The following LTBP2 variants were observed in gnomAD, a reference collection of about 807,000 sequenced individuals.
LTBP2 encodes latent transforming growth factor beta binding protein 2.
Under a neutral mutation model 210.6 loss-of-function variants are expected in LTBP2, and 103 were observed. That is an observed-to-expected ratio of 0.49 (90% CI 0.42 to 0.58). The LOEUF is 0.58. Ranked by LOEUF, LTBP2 falls within the 20% of genes least tolerant of loss-of-function variation. The pLI, the probability that LTBP2 is intolerant of heterozygous loss-of-function variation, is 0.00. For synonymous variants in LTBP2, 1,007 were observed against 1,015.0 expected, an observed-to-expected ratio of 0.99 and a Z score of 0.15; for missense variants, 2,313 against 2,494.5, an observed-to-expected ratio of 0.93 and a Z score of 1.55.
intron 8 of LTBP2, among the ~76,000 whole-genome samples, chr14:74,547,912 C>A (rs2087598081): frequency 6.6e-6 from 1 of 152,182 alleles, no homozygotes; most frequent in South Asian, 2.1e-4. Context: ...TACAGGAGAG[C>A]CAGGGCTGAG....
At position 74,524,499 on chromosome 14, in the gene LTBP2, C is replaced by A. The variant is rs1219115106; in HGVS notation, c.2530+625G>T. On this transcript the variant is annotated intron_variant, in intron 15 of 35. Coordinates refer to ENST00000261978, the MANE Select transcript of LTBP2 (RefSeq NM_000428.3). The stretch of plus-strand genomic sequence containing the variant: ...AGCGGGCACACACGTGTACAGGGAG[C>A]AGCGGCAACAACACCCGCCTTGCTT... 2.6e-5 allele frequency among the ~76,000 whole-genome samples: 4 copies of A among 152,220 alleles called. No homozygotes were observed. The East Asian group carries it at 7.7e-4, about 29-fold the overall frequency.
Position 74,517,712 on chromosome 14 carries a change from A to AC in LTBP2, c.2789-772dup, listed in dbSNP as rs1002446682. Among the ~76,000 whole-genome samples the AC allele has an allele frequency of 5.9e-4, 90 of 152,172 alleles. 1 individual carries two copies. Among genetic ancestry groups the AC allele is most frequent in the Non-Finnish European group, 1.2e-3 (81 of 68,022 alleles). On this transcript the variant is annotated intron_variant, in intron 17 of 35. Transcript: ENST00000261978. ...CTAAGGACCTTCATAAAGGTTAGGA[A>AC]CCAAGCAGCCAGTGAGGGATTGCGT...
intron 2 of LTBP2, among the ~76,000 whole-genome samples, chr14:74,591,715 CAA>C (rs1293803092): frequency 6.6e-6 from 1 of 152,166 alleles, no homozygotes; most frequent in African/African-American, 2.4e-5. Flanking sequence ...TCCATTCCCC[CAA>C]AAGTCACCCC....
At chr14:74,520,715 G>T (rs2087191220) in intron 17 of LTBP2, among the ~76,000 whole-genome samples, 2 of 152,188 alleles carry the variant, frequency 1.3e-5, no homozygotes, top group African/African-American at 4.8e-5. Context: ...GCAGGAGAAT[G>T]GCGTGAACCC....
intron 8 of LTBP2, among the ~76,000 whole-genome samples, chr14:74,540,703 T>G (rs1267116884): frequency 7.2e-6 from 1 of 138,674 alleles, no homozygotes; most frequent in African/African-American, 2.7e-5. Flanking sequence ...AGGCGGAGCT[T>G]GCAGTGAGCC....
chr14:74,581,392 G>A (rs568699868), intron 3 of LTBP2, among the ~76,000 whole-genome samples: 28 of 152,172 alleles, frequency 1.8e-4, no homozygotes, highest in African/African-American at 5.1e-4. Context: ...GTGGGCCCAG[G>A]GTCATGACAT....
intron 3 of LTBP2, among the ~76,000 whole-genome samples, chr14:74,573,048 G>A (rs8006916): frequency 1.3e-5 from 2 of 152,016 alleles, no homozygotes; most frequent in African/African-American, 4.8e-5. Flanking sequence ...TAATGAGGCC[G>A]AATGCTGCTC....
intron 1 of LTBP2, among the ~76,000 whole-genome samples, chr14:74,608,202 G>A (rs944757626): frequency 6.6e-6 from 1 of 151,348 alleles, no homozygotes; most frequent in African/African-American, 2.4e-5. Flanking sequence ...TTACAGGCAT[G>A]AGCCACCGCG....
rs747283274 is a variant in LTBP2, at chr14:74,502,578, G to C, written c.5170+75C>G. On this transcript the variant is annotated intron_variant, in intron 34 of 35. Transcript: ENST00000261978. ...CCAGTCCTCACCCTGCTGGCAATAT[G>C]ACTAGCAGGTGGAGGAGATGGAAGT... The C allele has an allele frequency of 3.1e-6, 5 of 1,587,814 alleles. No individual in the cohort carries two copies. The South Asian group carries it at 4.4e-5, about 14-fold the overall frequency.
Position 74,555,643 on chromosome 14 carries a change from A to C in LTBP2, c.881T>G (p.Leu294Trp), listed in dbSNP as rs750418279. 1.7e-5 allele frequency: 27 copies of C among 1,587,552 alleles called. No individual in the cohort carries two copies. The highest frequency in any genetic ancestry group is 2.2e-5 in the Non-Finnish European group (26 of 1,163,512). ...QTHPSQQHVG[L>W]SRTVRLHPTA... ...CGGGTGAAGTCGGACAGTGCGGGAC[A>C]ACCCCACGTGCTGCTGGGAAGGGTG... Residue 294 changes from leucine to tryptophan, a missense_variant, in exon 4 of 36, where the codon TTG becomes TGG. Leu to Trp is a moderately conservative substitution (Grantham distance 61, BLOSUM62 -2). Coordinates refer to ENST00000261978, the MANE Select transcript of LTBP2 (RefSeq NM_000428.3).
At chr14:74,554,883 T>C (rs73297910) in intron 4 of LTBP2, among the ~76,000 whole-genome samples, 9,502 of 150,290 alleles carry the variant, frequency 0.063, 1,028 homozygotes, top group African/African-American at 0.22. Flanking sequence ...GTAAACAGGG[T>C]AGTGGTGGGT....
chr14:74,573,136 G>A (rs2088007428), intron 3 of LTBP2, among the ~76,000 whole-genome samples: 1 of 152,182 alleles, frequency 6.6e-6, no homozygotes. Flanking sequence ...CAGTTTCCAA[G>A]CCAAGCTGGA....
Position 74,611,961 on chromosome 14 carries a change from A to G in LTBP2, c.-17T>C, listed in dbSNP as rs891424577. The G allele has an allele frequency of 1.5e-5, 23 of 1,554,452 alleles. No homozygotes were observed. The highest frequency in any genetic ancestry group is 1.8e-5 in the Non-Finnish European group (21 of 1,157,144). Reference sequence around the variant, plus strand: ...CGGCCTCATGGCGCGGGGCGGCTGGAGAGTGGTGCGCGCGGGCACCGCGAA... The same window carrying G: ...CGGCCTCATGGCGCGGGGCGGCTGGGGAGTGGTGCGCGCGGGCACCGCGAA... On this transcript the variant is annotated 5_prime_UTR_variant, in exon 1 of 36. Transcript: ENST00000261978.
chr14:74,567,685 C>T (rs898251871), intron 3 of LTBP2, among the ~76,000 whole-genome samples: 2 of 152,174 alleles, frequency 1.3e-5, no homozygotes, highest in African/African-American at 4.8e-5. Flanking sequence ...AGGGAAGGGA[C>T]TGGGCCTTAC....
chr14:74,572,453 T>C (rs2087995996), intron 3 of LTBP2, among the ~76,000 whole-genome samples: 1 of 151,488 alleles, frequency 6.6e-6, no homozygotes, highest in South Asian at 2.1e-4. Context: ...CTCCCTTTTT[T>C]TTTTTTTTAA....
At chr14:74,503,718 T>C in intron 31 of LTBP2, 112 bp from the exon 32 acceptor site, 1 of 1,464,658 alleles carries the variant, frequency 6.8e-7, no homozygotes. Flanking sequence ...CCTGCCTCCC[T>C]CCCCTCAACC....
At chr14:74,501,642 C>T in intron 34 of LTBP2, 52 bp from the exon 35 acceptor site, 8 of 1,610,420 alleles carry the variant, frequency 5.0e-6, no homozygotes, top group Non-Finnish European at 5.9e-6. Context: ...TGTCCAGACT[C>T]TCCCTAATGC....
At chr14:74,515,868 A>G (rs1157508835) in intron 18 of LTBP2, among the ~76,000 whole-genome samples, 1 of 152,128 alleles carries the variant, frequency 6.6e-6, no homozygotes, top group Non-Finnish European at 1.5e-5. Flanking sequence ...AGAGGGAGGC[A>G]TTGGGAGGTG....
At chr14:74,570,216 A>T (rs1358636890) in intron 3 of LTBP2, among the ~76,000 whole-genome samples, 1 of 152,184 alleles carries the variant, frequency 6.6e-6, no homozygotes, top group African/African-American at 2.4e-5. Flanking sequence ...TAACTTGGCC[A>T]TGAGATGCTC....
Sources: allele counts gnomAD v4.1 joint callset (sites outside exome capture counted in the v4.1 genomes callset), GRCh38; gene constraint gnomAD v4.1.1; transcripts MANE v1.5; gene names NCBI Gene and HGNC (gene_info 2026-07-23, HGNC 2026-07-21).